The following CADPS2 variants were observed in gnomAD, a reference collection of about 807,000 sequenced individuals.
The protein encoded by CADPS2 is calcium-dependent secretion activator 2.
CADPS2 carries 93 observed loss-of-function variants against 172.5 expected under a neutral mutation model. That is an observed-to-expected ratio of 0.54 (90% CI 0.46 to 0.64). CADPS2 has a LOEUF of 0.64. Among genes scored for constraint, CADPS2 ranks in the 30% least tolerant of loss-of-function variants. The pLI, the probability that CADPS2 is intolerant of heterozygous loss-of-function variation, is 0.00. For missense variants in CADPS2, 1,420 were observed against 1,565.9 expected, an observed-to-expected ratio of 0.91 and a Z score of 1.57; for synonymous variants, 546 against 555.2, an observed-to-expected ratio of 0.98 and a Z score of 0.23.
chr7:122,521,777 C>A (rs2060818314), intron 8 of CADPS2, among the ~76,000 whole-genome samples: 1 of 152,012 alleles, frequency 6.6e-6, no homozygotes, highest in African/African-American at 2.4e-5. Flanking sequence ...AAAGCAAATG[C>A]ATAAAACATA....
intron 17 of CADPS2, among the ~76,000 whole-genome samples, chr7:122,417,194 ATGTACAATGATGCAG>A (rs2048026627): frequency 6.6e-6 from 1 of 152,162 alleles, no homozygotes; most frequent in South Asian, 2.1e-4. Context: ...ATTCCAAAGG[ATGTACAATGATGCAG>A]TGAAACACTG....
At chr7:122,618,571 A>C (rs1252576929) in intron 5 of CADPS2, among the ~76,000 whole-genome samples, 1 of 152,118 alleles carries the variant, frequency 6.6e-6, no homozygotes, top group Non-Finnish European at 1.5e-5. Context: ...TCAAATCTGC[A>C]CTTTATTCCT....
chr7:122,816,126 C>T (rs1189612419), intron 1 of CADPS2, among the ~76,000 whole-genome samples: 1 of 152,044 alleles, frequency 6.6e-6, no homozygotes, highest in Non-Finnish European at 1.5e-5. Flanking sequence ...TCCTTTCTTC[C>T]TATTTTTTTA....
intron 1 of CADPS2, among the ~76,000 whole-genome samples, chr7:122,751,663 C>T (rs1393308734): frequency 1.3e-5 from 2 of 152,166 alleles, no homozygotes; most frequent in Admixed American, 1.3e-4. Flanking sequence ...CCAACAGAAA[C>T]CACAAGGATG....
rs551089620 is a variant in CADPS2, at chr7:122,798,553, C to T, written c.340-61485G>A. Among the ~76,000 whole-genome samples the T allele has an allele frequency of 3.1e-3, 476 of 152,208 alleles. 2 individuals are homozygous for T. The highest frequency in any genetic ancestry group is 0.028 in the South Asian group (134 of 4,826). On this transcript the variant is annotated intron_variant, in intron 1 of 29. Coordinates refer to ENST00000449022, the MANE Select transcript of CADPS2 (RefSeq NM_017954.11). Reference sequence around the variant, plus strand: ...CAAAAGGTTAGTTTTGCAAAGCTTACTTTTATTTTACTCGATATGTAATAT... The same window carrying T: ...CAAAAGGTTAGTTTTGCAAAGCTTATTTTTATTTTACTCGATATGTAATAT...
chr7:122,729,538 TTGC>T (rs1490100324), intron 2 of CADPS2, among the ~76,000 whole-genome samples: 5 of 151,790 alleles, frequency 3.3e-5, no homozygotes, highest in African/African-American at 1.2e-4. Context: ...CTGTTATTTT[TTGC>T]CTTTTTAATA....
intron 12 of CADPS2, among the ~76,000 whole-genome samples, chr7:122,475,053 A>G (rs2056468033): frequency 1.3e-5 from 2 of 152,202 alleles, no homozygotes; most frequent in Non-Finnish European, 2.9e-5. Flanking sequence ...GACAGGAAAA[A>G]GGGAGCATCA....
chr7:122,612,440 A>C (rs2074409888), intron 6 of CADPS2, among the ~76,000 whole-genome samples: 1 of 151,998 alleles, frequency 6.6e-6, no homozygotes, highest in African/African-American at 2.4e-5. Flanking sequence ...AATTCAACTC[A>C]AAATAGCATA....
intron 6 of CADPS2, among the ~76,000 whole-genome samples, chr7:122,612,630 T>G (rs2074434837): frequency 6.6e-6 from 1 of 152,068 alleles, no homozygotes; most frequent in Non-Finnish European, 1.5e-5. Flanking sequence ...GACCTACAGT[T>G]ACAACATAAT....
chr7:122,586,858 T>C (rs991472892), intron 6 of CADPS2, among the ~76,000 whole-genome samples: 3 of 152,040 alleles, frequency 2.0e-5, no homozygotes, highest in Non-Finnish European at 4.4e-5. Flanking sequence ...ATGGTTAAAC[T>C]CTAATCATTT....
chr7:122,767,637 C>G (rs370525070), intron 1 of CADPS2, among the ~76,000 whole-genome samples: 15 of 152,192 alleles, frequency 9.9e-5, no homozygotes, highest in Admixed American at 9.2e-4. Flanking sequence ...TCTCTCACTC[C>G]CCGGGACCTA....
rs1429744722 is a variant in CADPS2 at position 122,708,476 on chromosome 7, ATATATATATATT to A, written c.453+28467_453+28478del. Reference sequence around the variant, plus strand: ...TATGTGTGTGGATATATATATATATATATATATATATTGGATATGTAGATCCAAACATATTGT... The same window carrying A: ...TATGTGTGTGGATATATATATATATAGGATATGTAGATCCAAACATATTGT... On this transcript the variant is annotated intron_variant, in intron 2 of 29. Transcript: ENST00000449022. Among the ~76,000 whole-genome samples, 263 of 145,238 alleles carry A rather than the reference ATATATATATATT, an allele frequency of 1.8e-3. 2 individuals carry two copies. The highest frequency in any genetic ancestry group is 6.3e-3 in the African/African-American group (250 of 39,542).
At chr7:122,496,077 A>G (rs1327604472) in intron 9 of CADPS2, among the ~76,000 whole-genome samples, 1 of 152,008 alleles carries the variant, frequency 6.6e-6, no homozygotes, top group Non-Finnish European at 1.5e-5. Flanking sequence ...ATGTTATTGC[A>G]TTTTGTTAAT....
At chr7:122,569,008 A>G (rs2066836173) in intron 7 of CADPS2, among the ~76,000 whole-genome samples, 1 of 152,148 alleles carries the variant, frequency 6.6e-6, no homozygotes. Flanking sequence ...CCTATTCAAC[A>G]TAGTGTTGGA....
intron 1 of CADPS2, among the ~76,000 whole-genome samples, chr7:122,774,543 G>C (rs1315228694): frequency 6.6e-6 from 1 of 151,980 alleles, no homozygotes; most frequent in Non-Finnish European, 1.5e-5. Context: ...AAAAGCATAG[G>C]TTATAAATGT....
intron 7 of CADPS2, among the ~76,000 whole-genome samples, chr7:122,569,905 G>A (rs112823319): frequency 7.8e-5 from 11 of 141,606 alleles, no homozygotes; most frequent in Non-Finnish European, 1.5e-4. Context: ...AGACTTAAAC[G>A]TTAGACCTAA....
chr7:122,605,129 A>G (rs895613401), intron 6 of CADPS2, among the ~76,000 whole-genome samples: 4 of 152,168 alleles, frequency 2.6e-5, no homozygotes, highest in African/African-American at 9.6e-5. Flanking sequence ...TATGGTATAA[A>G]CAATACAAAT....
At chr7:122,678,965 C>T (rs990748724) in intron 2 of CADPS2, among the ~76,000 whole-genome samples, 13 of 152,162 alleles carry the variant, frequency 8.5e-5, no homozygotes, top group East Asian at 1.9e-4. Flanking sequence ...CTCTTAATCC[C>T]GTCATCTTCG....
intron 1 of CADPS2, among the ~76,000 whole-genome samples, chr7:122,860,164 TA>T (rs762452456): frequency 6.6e-6 from 1 of 151,748 alleles, no homozygotes; most frequent in Non-Finnish European, 1.5e-5. Context: ...TCACAAAAAA[TA>T]AGAGACTAGC....
Sources: gnomAD v4.1 joint callset for allele counts (sites outside exome capture counted in the v4.1 genomes callset) on GRCh38, gnomAD v4.1.1 for gene constraint, MANE v1.5 for transcripts, NCBI Gene and HGNC (gene_info 2026-07-23, HGNC 2026-07-21) for gene names.